ACSL6: variants seen among roughly 807,000 people sequenced by gnomAD.
ACSL6 encodes the protein acyl-CoA synthetase long chain family member 6, also known as long-chain-fatty-acid--CoA ligase 6.
ACSL6 carries 47 observed loss-of-function variants against 98.2 expected under a neutral mutation model. The ratio of observed to expected loss-of-function variants is 0.48; its 90% CI spans 0.38 to 0.61. The LOEUF (loss-of-function observed/expected upper bound fraction) is 0.61, where lower values mean the gene tolerates loss of function less well. ACSL6 is among the 20% of genes least tolerant of loss of function. The probability of loss-of-function intolerance (pLI) is 0.00; values close to 1 mark genes in which losing one functional copy is unlikely to be tolerated. For synonymous variants in ACSL6, 362 were observed against 336.9 expected (o/e 1.07, Z -0.82); for missense variants, 761 against 913.4 (o/e 0.83, Z 2.15).
intron 1 of ACSL6, among the ~76,000 whole-genome samples, chr5:132,002,060 T>C (rs1357467021): frequency 6.6e-6 from 1 of 152,074 alleles, no homozygotes; most frequent in African/African-American, 2.4e-5. Context: ...TTTGGAAATA[T>C]TTACAGGGTA....
intron 10 of ACSL6, 178 bp from the exon 11 acceptor site, chr5:131,975,148 G>C (rs771280967): frequency 5.0e-6 from 7 of 1,409,012 alleles, no homozygotes; most frequent in Middle Eastern, 2.5e-4. Context: ...AAATGAGAGA[G>C]AGAGGGAGAG....
intron 1 of ACSL6, chr5:132,006,913 C>G (rs906452926): frequency 4.9e-4 from 74 of 152,206 alleles, no homozygotes; most frequent in African/African-American, 1.8e-3. Flanking sequence ...GGCATCATCC[C>G]CCACCTGGGC....
rs1287098926 is a variant in ACSL6, at chr5:131,951,098, A to G, written c.*3136T>C. On this transcript the variant is annotated 3_prime_UTR_variant, in exon 21 of 21. Transcript: ENST00000651883. ...ACAGATTTGGTATATATTTTATAAT[A>G]TACACAAAAGGATCTGTTTGCAAAA... is the stretch of plus-strand genomic sequence containing the variant. The G allele has an allele frequency of 5.1e-6, 1 of 197,530 alleles. No homozygotes were observed. Among genetic ancestry groups the G allele is most frequent in the Non-Finnish European group, 1.0e-5 (1 of 95,484 alleles). 12.2% of individuals were successfully genotyped at this position (197,530 alleles called of 1,614,324 possible). A position where few individuals can be genotyped will look rare whatever the true frequency, so the allele number is the denominator to read the frequency against.
At chr5:131,977,570 C>T (rs1753684632) in intron 9 of ACSL6, among the ~76,000 whole-genome samples, 1 of 152,172 alleles carries the variant, frequency 6.6e-6, no homozygotes, top group African/African-American at 2.4e-5. Context: ...GAGAGTAATG[C>T]CCACCTCACA....
Position 131,967,391 on chromosome 5 carries a change from C to G in ACSL6, c.1596+549G>C, listed in dbSNP as rs774635063. 9.9e-5 allele frequency among the ~76,000 whole-genome samples: 15 copies of G among 151,904 alleles called. No homozygotes were observed. The East Asian group carries it at 1.9e-3, about 20-fold the overall frequency. ...AATTTAATTAATTAAGGGCCAGGCA[C>G]GGTGGCTCACGCCTGTAATCCCAGC... On this transcript the variant is annotated intron_variant, in intron 16 of 20. Transcript: ENST00000651883.
At position 131,954,054 on chromosome 5, in the gene ACSL6, A is replaced by G. The variant is rs1752274914; in HGVS notation, c.*180T>C. The G allele has an allele frequency of 2.2e-6, 1 of 453,454 alleles. No homozygotes were observed. Among genetic ancestry groups the G allele is most frequent in the Non-Finnish European group, 3.6e-6 (1 of 275,698 alleles). The allele number at this position is 453,454 out of a possible 1,614,324, so 28.1% of individuals were successfully genotyped here. A position where few individuals can be genotyped will look rare whatever the true frequency, so the allele number is the denominator to read the frequency against. On this transcript the variant is annotated 3_prime_UTR_variant, in exon 21 of 21. Coordinates refer to ENST00000651883, the MANE Select transcript of ACSL6 (RefSeq NM_001009185.3). Reference sequence around the variant, plus strand: ...ACAATATCATTTTTATAATAAAAATAAAATATACTCATTGATGATAGAGAA... The same window carrying G: ...ACAATATCATTTTTATAATAAAAATGAAATATACTCATTGATGATAGAGAA...
At chr5:131,982,194 A>G (rs1212935862) in intron 9 of ACSL6, 1 of 112,116 alleles carries the variant, frequency 8.9e-6, no homozygotes, top group Non-Finnish European at 1.7e-5. Context: ...CCCAGGCTGG[A>G]GTGCAGTGGC....
chr5:131,999,133 C>T (rs1439755759), intron 1 of ACSL6, among the ~76,000 whole-genome samples: 1 of 151,964 alleles, frequency 6.6e-6, no homozygotes, highest in Non-Finnish European at 1.5e-5. Context: ...AGCAAACGAG[C>T]TTGGGAGAGG....
At chr5:131,991,117 G>A (rs1754487635) in intron 2 of ACSL6, 150 bp from the exon 3 acceptor site, 1 of 664,862 alleles carries the variant, frequency 1.5e-6, no homozygotes, top group South Asian at 1.7e-5. Flanking sequence ...CGTACACATG[G>A]ACTACACACA....
chr5:131,979,918 A>G (rs1375172320), intron 9 of ACSL6, among the ~76,000 whole-genome samples: 1 of 152,148 alleles, frequency 6.6e-6, no homozygotes, highest in East Asian at 1.9e-4. Context: ...AAAACTCTCC[A>G]AGTGTTAGAT....
intron 9 of ACSL6, among the ~76,000 whole-genome samples, chr5:131,980,136 T>C (rs1753814234): frequency 6.6e-6 from 1 of 152,178 alleles, no homozygotes. Flanking sequence ...AGCTGGGGGA[T>C]TCTGGCTGCT....
rs1753595778 is a variant in ACSL6 at position 131,976,047 on chromosome 5, A to T, written c.990+601T>A. On this transcript the variant is annotated intron_variant, in intron 10 of 20. Coordinates refer to ENST00000651883, the MANE Select transcript of ACSL6 (RefSeq NM_001009185.3). ...AAAAGCCAAACTTTTTTGAAAAGATACACTCCTTTATGCTGAAGGAAACTG... is the reference window on the plus strand; with the variant it reads ...AAAAGCCAAACTTTTTTGAAAAGATTCACTCCTTTATGCTGAAGGAAACTG... 8 of 985,484 alleles carry T rather than the reference A, an allele frequency of 8.1e-6. No individual in the cohort carries two copies. In the South Asian group the frequency reaches 3.3e-4, roughly 41 times the overall value. The allele number at this position is 985,484 out of a possible 1,614,324, so 61.0% of individuals were successfully genotyped here.
chr5:131,966,313 CAT>C lies in ACSL6; in HGVS notation c.1713+101_1713+102del, dbSNP rs1753008651. Reference sequence around the variant, plus strand: ...GCCCCAGAGGTGCTCCTGAATGACTCATTGTCAGGGGGGATTTGGAGAAGACT... The same window carrying C: ...GCCCCAGAGGTGCTCCTGAATGACTCTGTCAGGGGGGATTTGGAGAAGACT... On this transcript the variant is annotated intron_variant, in intron 17 of 20. Coordinates refer to ENST00000651883, the MANE Select transcript of ACSL6 (RefSeq NM_001009185.3). 3.6e-6 allele frequency: 4 copies of C among 1,122,600 alleles called. No individual in the cohort carries two copies. In the Admixed American group the frequency reaches 6.9e-5, roughly 19 times the overall value. The allele number at this position is 1,122,600 out of a possible 1,614,324, so 69.5% of individuals were successfully genotyped here. A position where few individuals can be genotyped will look rare whatever the true frequency, so the allele number is the denominator to read the frequency against.
At chr5:131,954,899 G>T (rs1431863396) in intron 20 of ACSL6, among the ~76,000 whole-genome samples, 1 of 152,152 alleles carries the variant, frequency 6.6e-6, no homozygotes, top group East Asian at 1.9e-4. Flanking sequence ...ATGGGAGTGA[G>T]AAATGTCAGC....
intron 19 of ACSL6, 125 bp from the exon 20 acceptor site, chr5:131,959,732 G>T: frequency 1.2e-6 from 1 of 827,208 alleles, no homozygotes; most frequent in Non-Finnish European, 2.0e-6. Context: ...CCCACAGCCC[G>T]CAACTGAGGC....
In ACSL6 at chr5:131,962,682, T is replaced by A. The variant is rs934884336; in HGVS notation, c.1714-4A>T. 1 of 1,613,880 alleles carries A rather than the reference T, an allele frequency of 6.2e-7. No individual in the cohort carries two copies. Among genetic ancestry groups the A allele is most frequent in the South Asian group, 1.1e-5 (1 of 91,036 alleles). ...CAATAATTTTAAGAGTTCCTGCCTG[T>A]AGAGTTGGACAAACAGCTTTATAAG... On this transcript the variant is annotated splice_polypyrimidine_tract_variant and splice_region_variant and intron_variant, in intron 17 of 20. Coordinates refer to ENST00000651883, the MANE Select transcript of ACSL6 (RefSeq NM_001009185.3).
At chr5:131,994,562 G>A in intron 1 of ACSL6, 1 of 396,278 alleles carries the variant, frequency 2.5e-6, no homozygotes, top group Non-Finnish European at 4.7e-6. Context: ...GGCAGCTCTG[G>A]GAATGATGCT....
chr5:131,988,434 C>T, intron 6 of ACSL6: 3 of 1,394,544 alleles, frequency 2.2e-6, no homozygotes, highest in Non-Finnish European at 3.0e-6. Flanking sequence ...CATGGAACCT[C>T]CTCAAGCAGA....
At chr5:131,965,590 C>T (rs571233551) in intron 17 of ACSL6, among the ~76,000 whole-genome samples, 14 of 151,958 alleles carry the variant, frequency 9.2e-5, no homozygotes, top group Admixed American at 8.5e-4. Flanking sequence ...GATGGGATGG[C>T]GGGCACCTGT....
Sources: allele counts gnomAD v4.1 joint callset (sites outside exome capture counted in the v4.1 genomes callset), GRCh38; gene constraint gnomAD v4.1.1; transcripts MANE v1.5; gene names NCBI Gene and HGNC (gene_info 2026-07-23, HGNC 2026-07-21).